The following SLC36A1 variants were observed in gnomAD, a reference collection of about 807,000 sequenced individuals.
SLC36A1 encodes proton-coupled amino acid transporter 1.
Under a neutral mutation model 47.5 loss-of-function variants are expected in SLC36A1, and 30 were observed. The ratio of observed to expected loss-of-function variants is 0.63; its 90% CI spans 0.47 to 0.86. SLC36A1 has a LOEUF of 0.86. SLC36A1 is among the 40% of genes least tolerant of loss of function. The probability of loss-of-function intolerance (pLI) is 0.00; values close to 1 mark genes in which losing one functional copy is unlikely to be tolerated. For synonymous variants in SLC36A1, 255 were observed against 249.7 expected (o/e 1.02, Z -0.20); for missense variants, 517 against 606.0 (o/e 0.85, Z 1.54).
intron 1 of SLC36A1, chr5:151,450,919 C>T (rs1023744242): frequency 1.1e-4 from 16 of 152,306 alleles, no homozygotes; most frequent in African/African-American, 3.9e-4. Flanking sequence ...TTATTTCCAT[C>T]CAGGCCTTCT....
At chr5:151,444,995 G>A (rs1383810502), upstream of SLC36A1, among the ~76,000 whole-genome samples, 1 of 152,072 alleles carries the variant, frequency 6.6e-6, no homozygotes, top group Non-Finnish European at 1.5e-5. Context: ...TTGAATAGAA[G>A]TGGTGAGGGT....
rs1271803683 is a variant in SLC36A1 at position 151,458,868 on chromosome 5, T to C, written c.76T>C (p.Ser26Pro). 1 of 1,614,070 alleles carries C rather than the reference T, an allele frequency of 6.2e-7. No individual in the cohort carries two copies. Among genetic ancestry groups the C allele is most frequent in the Non-Finnish European group, 8.5e-7 (1 of 1,179,988 alleles). ...STDVSPEESP[S>P]EGLNNLSSPG... is the part of the protein sequence containing the mutation. Reference sequence around the variant, plus strand: ...GGACGTGAGCCCTGAGGAGAGCCCGTCGGAAGGCCTCAACAACCTCTCCTC... The same window carrying C: ...GGACGTGAGCCCTGAGGAGAGCCCGCCGGAAGGCCTCAACAACCTCTCCTC... The change falls in exon 2 of 11, where the codon TCG becomes CCG. Residue 26 changes from serine (S) to proline (P), a missense_variant. Transcript: ENST00000243389.
chr5:151,529,741 A>G, the SLC36A1 span, among the ~76,000 whole-genome samples: 1 of 152,230 alleles, frequency 6.6e-6, no homozygotes. Flanking sequence ...AGGTCAGTCC[A>G]TTGACCTAGA....
chr5:151,546,373 C>A, the SLC36A1 span: 1 of 1,520,044 alleles, frequency 6.6e-7, no homozygotes, highest in Non-Finnish European at 9.0e-7. Context: ...GTTTGCCACA[C>A]CCTCGACAGG....
chr5:151,353,150 G>T, the SLC36A1 span, among the ~76,000 whole-genome samples: 2 of 152,194 alleles, frequency 1.3e-5, no homozygotes, highest in Non-Finnish European at 2.9e-5. Context: ...TGAAAACCAT[G>T]AATGAAAACA....
At chr5:151,450,666 T>C (rs1753519093) in intron 1 of SLC36A1, among the ~76,000 whole-genome samples, 1 of 152,240 alleles carries the variant, frequency 6.6e-6, no homozygotes, top group South Asian at 2.1e-4. Flanking sequence ...CAGGTAACTA[T>C]TCTCATATTA....
rs1360948547 is a variant in SLC36A1 at position 151,490,884 on chromosome 5, A to G, written c.*2630A>G. ...GCAGCCAGCCCAGAATCTCTTATGC[A>G]GCCCAAAGGGCTTCTTGAGGTAGAG... On this transcript the variant is annotated 3_prime_UTR_variant, in exon 11 of 11. Transcript: ENST00000243389. 1.3e-5 allele frequency: 2 copies of G among 152,318 alleles called. No individual in the cohort carries two copies. Among genetic ancestry groups the G allele is most frequent in the Non-Finnish European group, 2.9e-5 (2 of 68,154 alleles). The allele number at this position is 152,318 out of a possible 1,614,324, so 9.4% of individuals were successfully genotyped here. A position where few individuals can be genotyped will look rare whatever the true frequency, so the allele number is the denominator to read the frequency against.
At chr5:151,476,790 T>C (rs762563518) in intron 9 of SLC36A1, 34 bp downstream of exon 9, 1 of 1,610,316 alleles carries the variant, frequency 6.2e-7, no homozygotes, top group Non-Finnish European at 8.5e-7. Context: ...CTAGGAGCAC[T>C]GGATATTTTT....
the SLC36A1 span, chr5:151,511,906 C>T: frequency 7.7e-6 from 4 of 519,362 alleles, no homozygotes; most frequent in Non-Finnish European, 1.0e-5. Context: ...ATTAATTCAA[C>T]CCTCTGCCCC....
chr5:151,523,833 G>A, the SLC36A1 span, among the ~76,000 whole-genome samples: 6 of 152,082 alleles, frequency 3.9e-5, no homozygotes, highest in African/African-American at 1.5e-4. Flanking sequence ...CAGAGCTTCG[G>A]TTTAGCCCAT....
At chr5:151,381,946 T>C in the SLC36A1 span, 2 of 463,790 alleles carry the variant, frequency 4.3e-6, no homozygotes, top group Non-Finnish European at 7.7e-6. Flanking sequence ...ATCTGCTCTG[T>C]CTAGGCAGTC....
At chr5:151,509,995 T>A in the SLC36A1 span, 1 of 1,609,896 alleles carries the variant, frequency 6.2e-7, no homozygotes, top group Non-Finnish European at 8.5e-7. Context: ...AAGGAGCCCA[T>A]GGCAGGTGGC....
At chr5:151,357,103 G>A in the SLC36A1 span, among the ~76,000 whole-genome samples, 2 of 152,136 alleles carry the variant, frequency 1.3e-5, no homozygotes, top group Non-Finnish European at 2.9e-5. Flanking sequence ...GAAGTTCATC[G>A]GTTTAGTGAT....
At chr5:151,347,547 A>C in the SLC36A1 span, 1 of 1,531,814 alleles carries the variant, frequency 6.5e-7, no homozygotes, top group Non-Finnish European at 9.0e-7. Flanking sequence ...GTAGATGTAC[A>C]CCCCAGCACA....
At chr5:151,348,194 G>A in the SLC36A1 span, among the ~76,000 whole-genome samples, 14 of 152,124 alleles carry the variant, frequency 9.2e-5, no homozygotes, top group Non-Finnish European at 1.8e-4. Flanking sequence ...TTCTGGAAAC[G>A]GGGAAGAGGC....
At chr5:151,475,833 C>G (rs1757972480) in intron 8 of SLC36A1, among the ~76,000 whole-genome samples, 2 of 152,192 alleles carry the variant, frequency 1.3e-5, no homozygotes, top group African/African-American at 4.8e-5. Flanking sequence ...TGTTGCTCTT[C>G]CTTATTAGCT....
chr5:151,549,862 A>G, the SLC36A1 span, among the ~76,000 whole-genome samples: 1 of 152,226 alleles, frequency 6.6e-6, no homozygotes, highest in African/African-American at 2.4e-5. Flanking sequence ...TTTGGGGAGC[A>G]CTGAATTAAA....
chr5:151,517,695 G>A, the SLC36A1 span: 2 of 1,614,072 alleles, frequency 1.2e-6, no homozygotes, highest in Non-Finnish European at 1.7e-6. Context: ...GATAGAAATG[G>A]ATGTGCCAGT....
the SLC36A1 span, among the ~76,000 whole-genome samples, chr5:151,369,956 G>A: frequency 2.0e-5 from 3 of 152,054 alleles, no homozygotes; most frequent in South Asian, 2.1e-4. Flanking sequence ...CACCATGCCC[G>A]ACTAATTTTT....
Sources: allele counts gnomAD v4.1 joint callset (sites outside exome capture counted in the v4.1 genomes callset), GRCh38; gene constraint gnomAD v4.1.1; transcripts MANE v1.5; gene names NCBI Gene and HGNC (gene_info 2026-07-23, HGNC 2026-07-21).